The following KCNT2 variants were observed in gnomAD, a reference collection of about 807,000 sequenced individuals.
KCNT2 encodes the protein potassium sodium-activated channel subfamily T member 2, also known as potassium channel subfamily T member 2.
KCNT2 carries 67 observed loss-of-function variants against 153.8 expected under a neutral mutation model. That is an observed-to-expected ratio of 0.44 (90% CI 0.36 to 0.53). KCNT2 has a LOEUF of 0.53. KCNT2 is among the 20% of genes least tolerant of loss of function. The pLI is 0.00. For synonymous variants in KCNT2, 500 were observed against 458.8 expected (o/e 1.09, Z -1.15); for missense variants, 975 against 1,354.8 (o/e 0.72, Z 4.40).
intron 13 of KCNT2, among the ~76,000 whole-genome samples, chr1:196,377,788 C>T (rs1669100202): frequency 1.3e-5 from 2 of 152,046 alleles, no homozygotes; most frequent in African/African-American, 4.8e-5. Flanking sequence ...CAGGAGATGA[C>T]ATTCCCTTTC....
intron 1 of KCNT2, among the ~76,000 whole-genome samples, chr1:196,600,875 G>T (rs1470657752): frequency 2.0e-5 from 3 of 152,086 alleles, no homozygotes. Flanking sequence ...AGATGAGAAG[G>T]GACTTAAAGT....
intron 10 of KCNT2, among the ~76,000 whole-genome samples, chr1:196,427,497 C>G (rs555694999): frequency 6.6e-6 from 1 of 151,752 alleles, no homozygotes; most frequent in Admixed American, 6.6e-5. Flanking sequence ...TGCCATGGCC[C>G]GTAGCAGAAA....
chr1:196,592,688 TA>T (rs1663522104), intron 1 of KCNT2, among the ~76,000 whole-genome samples: 1 of 129,958 alleles, frequency 7.7e-6, no homozygotes, highest in Non-Finnish European at 1.7e-5. Flanking sequence ...TGTATCTGAT[TA>T]TATATGTATG....
intron 22 of KCNT2, among the ~76,000 whole-genome samples, chr1:196,288,359 A>C (rs1443775077): frequency 6.6e-6 from 1 of 152,068 alleles, no homozygotes; most frequent in Non-Finnish European, 1.5e-5. Context: ...TTGTCTAAGA[A>C]ATAACAGGAC....
intron 14 of KCNT2, among the ~76,000 whole-genome samples, chr1:196,354,971 G>A (rs1021403114): frequency 2.0e-5 from 3 of 151,716 alleles, no homozygotes; most frequent in Non-Finnish European, 2.9e-5. Flanking sequence ...TTTAGCCACT[G>A]TAGGTCAAAT....
chr1:196,423,955 A>G (rs922813558), intron 11 of KCNT2, among the ~76,000 whole-genome samples: 1 of 151,888 alleles, frequency 6.6e-6, no homozygotes, highest in Non-Finnish European at 1.5e-5. Context: ...TGCATGAGGA[A>G]TTGCACTGAA....
intron 12 of KCNT2, among the ~76,000 whole-genome samples, chr1:196,410,139 C>T (rs1672169661): frequency 1.3e-5 from 2 of 151,140 alleles, no homozygotes; most frequent in South Asian, 4.1e-4. Flanking sequence ...ATTTTTTAAT[C>T]AGCTTATTTC....
At chr1:196,339,931 A>G (rs1048551200) in intron 16 of KCNT2, among the ~76,000 whole-genome samples, 4 of 151,682 alleles carry the variant, frequency 2.6e-5, no homozygotes, top group South Asian at 2.1e-4. Flanking sequence ...TACAAAGAGA[A>G]CTTACAAAAG....
chr1:196,365,065 A>G (rs1667928076), intron 14 of KCNT2, among the ~76,000 whole-genome samples: 1 of 152,064 alleles, frequency 6.6e-6, no homozygotes. Context: ...AGACCAACTG[A>G]TTAGTATTTG....
At chr1:196,267,119 C>T (rs1329128291) in intron 25 of KCNT2, among the ~76,000 whole-genome samples, 2 of 152,310 alleles carry the variant, frequency 1.3e-5, no homozygotes, top group Admixed American at 1.3e-4. Context: ...CACAAACAAT[C>T]CCTCTGCAGG....
intron 5 of KCNT2, among the ~76,000 whole-genome samples, chr1:196,477,202 A>G (rs537266897): frequency 3.1e-4 from 47 of 152,260 alleles, no homozygotes; most frequent in Admixed American, 2.8e-3. Context: ...AGTGAGCCTG[A>G]AAAAAGGGTG....
chr1:196,249,528 T>C (rs1655761820), intron 26 of KCNT2, among the ~76,000 whole-genome samples: 1 of 152,082 alleles, frequency 6.6e-6, no homozygotes, highest in South Asian at 2.1e-4. Flanking sequence ...ATCCCAGCAC[T>C]TTGGGAGGCC....
chr1:196,475,580 C>T (rs1287305540), intron 5 of KCNT2, among the ~76,000 whole-genome samples: 1 of 151,888 alleles, frequency 6.6e-6, no homozygotes. Context: ...TGCACTCCAG[C>T]CTGAGCAACA....
At chr1:196,560,940 CA>C (rs1659298710) in intron 1 of KCNT2, among the ~76,000 whole-genome samples, 1 of 151,866 alleles carries the variant, frequency 6.6e-6, no homozygotes, top group African/African-American at 2.4e-5. Context: ...ACTTATTCAG[CA>C]ATGAAGGTTT....
intron 1 of KCNT2, among the ~76,000 whole-genome samples, chr1:196,582,832 G>T (rs535994877): frequency 6.6e-6 from 1 of 151,904 alleles, no homozygotes; most frequent in Non-Finnish European, 1.5e-5. Flanking sequence ...TACAATAAAG[G>T]TTTGAAAAGC....
chr1:196,507,001 T>G (rs1681197999), intron 1 of KCNT2, among the ~76,000 whole-genome samples: 1 of 152,086 alleles, frequency 6.6e-6, no homozygotes, highest in Non-Finnish European at 1.5e-5. Flanking sequence ...AAATAATGAT[T>G]AAAACATCTA....
intron 8 of KCNT2, among the ~76,000 whole-genome samples, chr1:196,445,299 C>T (rs551557770): frequency 7.7e-4 from 116 of 151,430 alleles, no homozygotes; most frequent in African/African-American, 2.4e-3. Context: ...CTAATTTAAA[C>T]GATTTGTACA....
chr1:196,524,269 T>G (rs771342515), intron 1 of KCNT2, among the ~76,000 whole-genome samples: 5 of 152,178 alleles, frequency 3.3e-5, no homozygotes, highest in Non-Finnish European at 7.4e-5. Context: ...AACTGGATTC[T>G]GATCATTTTG....
chr1:196,333,743 A>G, intron 17 of KCNT2, 104 bp downstream of exon 17: 1 of 695,576 alleles, frequency 1.4e-6, no homozygotes, highest in Non-Finnish European at 2.5e-6. Flanking sequence ...GTTCAGAAGG[A>G]AAGATCATTA....
Sources: gnomAD v4.1 joint callset for allele counts (sites outside exome capture counted in the v4.1 genomes callset) on GRCh38, gnomAD v4.1.1 for gene constraint, MANE v1.5 for transcripts, NCBI Gene and HGNC (gene_info 2026-07-23, HGNC 2026-07-21) for gene names.